The following MX2 variants were observed in gnomAD, a reference collection of about 807,000 sequenced individuals.
MX2 encodes the protein MX dynamin like GTPase 2, also known as interferon-induced GTP-binding protein Mx2.
MX2 carries 51 observed loss-of-function variants against 74.0 expected under a neutral mutation model. The ratio of observed to expected loss-of-function variants is 0.69; its 90% CI spans 0.55 to 0.87. MX2 has a LOEUF of 0.87. Among genes scored for constraint, MX2 ranks in the 40% least tolerant of loss-of-function variants. The pLI is 0.00. For synonymous variants in MX2, 369 were observed against 339.3 expected, an observed-to-expected ratio of 1.09 and a Z score of -0.96; for missense variants, 832 against 908.7, an observed-to-expected ratio of 0.92 and a Z score of 1.09.
In MX2 at chr21:41,405,946, C is replaced by T. The variant is rs574522977; in HGVS notation, c.1651-798C>T. Among the ~76,000 whole-genome samples, 11 of 152,108 alleles carry T rather than the reference C, an allele frequency of 7.2e-5. No individual in the cohort carries two copies. In the South Asian group the frequency reaches 2.3e-3, roughly 32 times the overall value. ...CTCAAACTCCTGACCTCAGGTGACC[C>T]ACCTGCCTCAGCCTCCCAAAGTGCT... is the stretch of plus-strand genomic sequence containing the variant. On this transcript the variant is annotated intron_variant, in intron 12 of 13. Transcript: ENST00000330714.
Position 41,380,107 on chromosome 21 carries a change from T to C in MX2, c.533T>C (p.Leu178Pro). ...AGRISYRNTE[L>P]ELQDPGQVEK... is the part of the protein sequence containing the mutation. ...AGGATCAGCTACCGGAACACCGAGC[T>C]AGAGCTTCAGGACCCTGGCCAGGTG... is the stretch of plus-strand genomic sequence containing the variant. The change falls in exon 4 of 14, where the codon CTA (leucine) becomes CCA (proline). Residue 178 changes from leucine to proline, a missense_variant. By Grantham distance (98) the Leu-to-Pro change is moderately conservative (BLOSUM62 -3). Coordinates refer to ENST00000330714, the MANE Select transcript of MX2 (RefSeq NM_002463.2). The surrounding 1 kb of genome is among the most constrained non-coding windows in gnomAD (Gnocchi z 4.3). 1 of 1,613,968 alleles carries C rather than the reference T, an allele frequency of 6.2e-7. No individual in the cohort carries two copies. Among genetic ancestry groups the C allele is most frequent in the Non-Finnish European group, 8.5e-7 (1 of 1,179,858 alleles).
At chr21:41,367,522 A>T (rs957250488) in intron 1 of MX2, among the ~76,000 whole-genome samples, 10 of 152,188 alleles carry the variant, frequency 6.6e-5, no homozygotes, top group Non-Finnish European at 5.9e-5. Context: ...GCAGCCTGCT[A>T]GTGTGGGAGC....
chr21:41,384,447 A>G (rs963992389), intron 5 of MX2, among the ~76,000 whole-genome samples: 1 of 152,160 alleles, frequency 6.6e-6, no homozygotes, highest in Admixed American at 6.5e-5. Flanking sequence ...TGTTGTAAAT[A>G]TTGGGGGAAA....
At chr21:41,372,436 G>T (rs111982854) in intron 1 of MX2, among the ~76,000 whole-genome samples, 4 of 152,324 alleles carry the variant, frequency 2.6e-5, no homozygotes, top group African/African-American at 9.6e-5. Context: ...ATTATTATGA[G>T]TCAATTATAA....
At chr21:41,382,200 G>T (rs556143023) in intron 4 of MX2, among the ~76,000 whole-genome samples, 1 of 152,180 alleles carries the variant, frequency 6.6e-6, no homozygotes, top group East Asian at 1.9e-4. Flanking sequence ...TCGTCTTTTG[G>T]AAAGTGTAGG....
chr21:41,384,937 G>C (rs2089549872), intron 5 of MX2, among the ~76,000 whole-genome samples: 1 of 152,048 alleles, frequency 6.6e-6, no homozygotes, highest in African/African-American at 2.4e-5. Context: ...ATTACAAAGG[G>C]ATTTTGTTAT....
intron 10 of MX2, 55 bp downstream of exon 10, chr21:41,399,392 G>T: frequency 6.4e-7 from 1 of 1,564,418 alleles, no homozygotes. Context: ...CCAGACCAGA[G>T]GCTATGTCCA....
chr21:41,382,362 G>T, intron 4 of MX2, 48 bp from the exon 5 acceptor site: 1 of 1,587,630 alleles, frequency 6.3e-7, no homozygotes. Flanking sequence ...CTTCCTCACA[G>T]GGATCATTAA....
chr21:41,372,095 T>A (rs921442425), intron 1 of MX2, among the ~76,000 whole-genome samples: 2 of 152,200 alleles, frequency 1.3e-5, no homozygotes, highest in African/African-American at 4.8e-5. Context: ...TTGTCCATGC[T>A]GAGAATAGAA....
chr21:41,371,827 G>A lies in MX2; in HGVS notation c.-71-5009G>A, dbSNP rs375788792. ...GGCCCAGGAGCCCCGGCTGTCACCA[G>A]TGCATGATGTGACTTTGGGTGAGCC... is the stretch of plus-strand genomic sequence containing the variant. On this transcript the variant is annotated intron_variant, in intron 1 of 13. Transcript: ENST00000330714. Among the ~76,000 whole-genome samples the A allele has an allele frequency of 4.6e-5, 7 of 152,188 alleles. No individual in the cohort carries two copies. The East Asian group carries it at 5.8e-4, about 13-fold the overall frequency.
intron 12 of MX2, chr21:41,403,767 C>T: frequency 4.8e-6 from 2 of 418,984 alleles, no homozygotes; most frequent in Non-Finnish European, 9.9e-6. Context: ...CCCCGAGTTA[C>T]CTTCAGCAAA....
Position 41,395,258 on chromosome 21 carries a change from A to G in MX2, c.872-329A>G, listed in dbSNP as rs965302016. Among the ~76,000 whole-genome samples the G allele has an allele frequency of 6.8e-4, 30 of 44,362 alleles. 1 individual carries two copies. The highest frequency in any genetic ancestry group is 1.7e-3 in the Admixed American group (4 of 2,302). The allele number at this position is 44,362 out of a possible 152,430, so 29.1% of individuals were successfully genotyped here. A position where few individuals can be genotyped will look rare whatever the true frequency, so the allele number is the denominator to read the frequency against. ...AGAGGGACTCCCCTCAGTAGGGAAC[A>G]AGGCATTTCTTGGAAACATGGTGCA... On this transcript the variant is annotated intron_variant, in intron 6 of 13. Transcript: ENST00000330714.
chr21:41,396,624 T>A (rs2089739161), intron 7 of MX2, among the ~76,000 whole-genome samples: 1 of 152,156 alleles, frequency 6.6e-6, no homozygotes, highest in South Asian at 2.1e-4. Context: ...TAGGATTACG[T>A]AACACGACAT....
chr21:41,363,737 A>C lies in MX2; in HGVS notation c.-72+1682A>C, dbSNP rs1381068712. The C allele has an allele frequency of 6.4e-6, 1 of 155,100 alleles. No homozygotes were observed. The highest frequency in any genetic ancestry group is 6.5e-5 in the Admixed American group (1 of 15,292). 9.6% of individuals were successfully genotyped at this position (155,100 alleles called of 1,614,324 possible). A position where few individuals can be genotyped will look rare whatever the true frequency, so the allele number is the denominator to read the frequency against. On this transcript the variant is annotated intron_variant, in intron 1 of 13. Transcript: ENST00000330714. The surrounding 1 kb of genome is among the most constrained non-coding windows in gnomAD (Gnocchi z 4.2). ...TGGTTGCAAGCCAGCAATAGTGGCTATGCCCGTGTGGGAGACGCAGCTTGC... is the reference window on the plus strand; with the variant it reads ...TGGTTGCAAGCCAGCAATAGTGGCTCTGCCCGTGTGGGAGACGCAGCTTGC...
At chr21:41,385,428 T>C (rs1219177949) in intron 5 of MX2, among the ~76,000 whole-genome samples, 2 of 152,206 alleles carry the variant, frequency 1.3e-5, no homozygotes, top group African/African-American at 4.8e-5. Flanking sequence ...CTAGTGAATA[T>C]GTCTCATGAG....
At chr21:41,387,108 T>C (rs1419010831) in intron 5 of MX2, among the ~76,000 whole-genome samples, 1 of 152,196 alleles carries the variant, frequency 6.6e-6, no homozygotes, top group Non-Finnish European at 1.5e-5. Flanking sequence ...CCCTTCGTAT[T>C]TTTGTGTCTC....
intron 13 of MX2, among the ~76,000 whole-genome samples, chr21:41,407,589 T>C (rs1048281799): frequency 2.0e-5 from 3 of 152,182 alleles, no homozygotes; most frequent in Non-Finnish European, 4.4e-5. Context: ...TTCCCAGCCA[T>C]GGGCACCTGG....
At chr21:41,391,910 T>C (rs1367963851) in intron 6 of MX2, among the ~76,000 whole-genome samples, 5 of 152,174 alleles carry the variant, frequency 3.3e-5, no homozygotes, top group Admixed American at 3.3e-4. Flanking sequence ...TGGGGGTTTG[T>C]TGTACAGATG....
chr21:41,377,049 A>T lies in MX2; in HGVS notation c.143A>T (p.Asn48Ile). The T allele has an allele frequency of 2.5e-6, 4 of 1,614,182 alleles. No homozygotes were observed. The highest frequency in any genetic ancestry group is 3.4e-6 in the Non-Finnish European group (4 of 1,180,026). ...TVPPQMMFPP[N>I]WQGAEKDAAF... The stretch of plus-strand genomic sequence containing the variant: ...CCACCACAAATGATGTTTCCTCCAA[A>T]CTGGCAGGGGGCAGAGAAGGACGCT... Residue 48 changes from asparagine (N) to isoleucine (I), a missense_variant, in exon 2 of 14, where the codon AAC (asparagine) becomes ATC (isoleucine). By Grantham distance (149) the Asn-to-Ile change is moderately radical (BLOSUM62 -3). Transcript: ENST00000330714.
Sources: allele counts gnomAD v4.1 joint callset (sites outside exome capture counted in the v4.1 genomes callset), GRCh38; gene constraint gnomAD v4.1.1; non-coding constraint Gnocchi (gnomAD v3.1); transcripts MANE v1.5; gene names NCBI Gene and HGNC (gene_info 2026-07-23, HGNC 2026-07-21).